The following MYO16 variants were observed in gnomAD, a reference collection of about 807,000 sequenced individuals.
The protein encoded by MYO16 is unconventional myosin-XVI.
A neutral mutation model predicts 205.3 loss-of-function variants in MYO16; 94 were observed. The ratio of observed to expected loss-of-function variants is 0.46; its 90% CI spans 0.39 to 0.54. MYO16 has a LOEUF of 0.54. Among genes scored for constraint, MYO16 ranks in the 20% least tolerant of loss-of-function variants. The probability of loss-of-function intolerance (pLI) is 0.00; values close to 1 mark genes in which losing one functional copy is unlikely to be tolerated. For synonymous variants in MYO16, 988 were observed against 954.0 expected (o/e 1.04, Z -0.66); for missense variants, 2,315 against 2,387.5 (o/e 0.97, Z 0.63).
At chr13:108,978,627 G>T (rs907395900) in intron 20 of MYO16, among the ~76,000 whole-genome samples, 2 of 151,262 alleles carry the variant, frequency 1.3e-5, no homozygotes, top group Admixed American at 6.6e-5. Context: ...ATTTATGTTC[G>T]CATTTATTTT....
chr13:109,206,798 A>T lies in MYO16; in HGVS notation c.5605A>T (p.Asn1869Tyr). The T allele has an allele frequency of 6.2e-7, 1 of 1,614,176 alleles. No individual in the cohort carries two copies. Residue 1869 changes from asparagine (N) to tyrosine (Y), a missense_variant, in exon 35 of 35, where the codon AAC (asparagine) becomes TAC (tyrosine). Physicochemically the swap from Asn to Tyr is moderately radical, Grantham distance 143. Coordinates refer to ENST00000457511, the MANE Select transcript of MYO16 (RefSeq NM_001198950.3). ...LLKKPEGASC[N>Y]RLPSELWDTT... Reference sequence around the variant, plus strand: ...GAAGAAGCCGGAAGGGGCCTCCTGCAACAGGCTGCCGTCTGAGCTCTGGGA... The same window carrying T: ...GAAGAAGCCGGAAGGGGCCTCCTGCTACAGGCTGCCGTCTGAGCTCTGGGA...
intron 1 of MYO16, among the ~76,000 whole-genome samples, chr13:108,610,278 T>C (rs1879123601): frequency 1.3e-5 from 2 of 152,190 alleles, no homozygotes; most frequent in African/African-American, 2.4e-5. Context: ...ATGTACTGTG[T>C]GTGCTCCGTC....
chr13:109,046,774 A>C, intron 23 of MYO16, 142 bp from the exon 24 acceptor site: 1 of 642,460 alleles, frequency 1.6e-6, no homozygotes. Context: ...TGGAACTTGC[A>C]TGTAACGTGA....
At chr13:108,856,058 G>A (rs1878155723) in intron 11 of MYO16, among the ~76,000 whole-genome samples, 2 of 152,214 alleles carry the variant, frequency 1.3e-5, no homozygotes, top group African/African-American at 2.4e-5. Flanking sequence ...ATTCCTGATA[G>A]TAGAATCCGA....
At chr13:108,643,400 C>T (rs1880598189) in intron 1 of MYO16, among the ~76,000 whole-genome samples, 1 of 152,168 alleles carries the variant, frequency 6.6e-6, no homozygotes, top group Admixed American at 6.5e-5. Context: ...AACTATTCAC[C>T]TATTGAAAGA....
chr13:109,098,383 T>G (rs989600557), intron 27 of MYO16, among the ~76,000 whole-genome samples: 15 of 152,352 alleles, frequency 9.8e-5, no homozygotes, highest in African/African-American at 3.6e-4. Context: ...TAGCATTTTC[T>G]GCATCCCGCC....
chr13:109,116,441 G>T (rs953827430), intron 28 of MYO16, among the ~76,000 whole-genome samples: 1 of 152,084 alleles, frequency 6.6e-6, no homozygotes, highest in Non-Finnish European at 1.5e-5. Flanking sequence ...TTGCAACGCT[G>T]CTCCTTCCCA....
rs1186561491 is a variant in MYO16 at position 108,667,315 on chromosome 13, G to GTTTTTTT, written c.292+1170_292+1171insTTTTTTT. Among the ~76,000 whole-genome samples, 18 of 118,292 alleles carry GTTTTTTT rather than the reference G, an allele frequency of 1.5e-4. 1 individual carries two copies. Among genetic ancestry groups the GTTTTTTT allele is most frequent in the Admixed American group, 1.8e-4 (2 of 11,346 alleles). The allele number at this position is 118,292 out of a possible 152,430, so 77.6% of individuals were successfully genotyped here. ...AAACTGTAATATTCTGAGAATTTCT[G>GTTTTTTT]TTTTGTTTTTTTTTTTTTTTTGTCT... On this transcript the variant is annotated intron_variant, in intron 2 of 34. Coordinates refer to ENST00000457511, the MANE Select transcript of MYO16 (RefSeq NM_001198950.3).
intron 33 of MYO16, among the ~76,000 whole-genome samples, chr13:109,175,485 C>G (rs1314487948): frequency 6.6e-6 from 1 of 152,152 alleles, no homozygotes; most frequent in African/African-American, 2.4e-5. Flanking sequence ...AGCTGGCTAT[C>G]TGGAGGGTAG....
At chr13:108,992,731 G>C (rs1376897814) in intron 21 of MYO16, among the ~76,000 whole-genome samples, 1 of 152,140 alleles carries the variant, frequency 6.6e-6, no homozygotes. Flanking sequence ...TTTCAACTAG[G>C]TCAGAGAGAA....
chr13:109,049,925 C>CGT lies in MYO16; in HGVS notation c.2873-2375_2873-2374insGT, dbSNP rs1566481323. 3.1e-3 allele frequency among the ~76,000 whole-genome samples: 355 copies of CGT among 113,436 alleles called. 1 individual carries two copies. The highest frequency in any genetic ancestry group is 7.7e-3 in the South Asian group (26 of 3,396). The allele number at this position is 113,436 out of a possible 152,430, so 74.4% of individuals were successfully genotyped here. On this transcript the variant is annotated intron_variant, in intron 24 of 34. Coordinates refer to ENST00000457511, the MANE Select transcript of MYO16 (RefSeq NM_001198950.3). ...TTGTTCTCCTCTTTCCTTCCTTTGTCCTGTGTGTGTGTGTGTGTGTGTGTG... is the reference window on the plus strand; with the variant it reads ...TTGTTCTCCTCTTTCCTTCCTTTGTCGTCTGTGTGTGTGTGTGTGTGTGTGTG...
intron 16 of MYO16, among the ~76,000 whole-genome samples, chr13:108,941,470 A>G (rs910856554): frequency 2.0e-5 from 3 of 152,062 alleles, no homozygotes; most frequent in African/African-American, 7.2e-5. Flanking sequence ...TGAGGTCAGG[A>G]GTTCAAGACC....
At chr13:108,539,940 T>C in the MYO16 span, among the ~76,000 whole-genome samples, 2 of 152,022 alleles carry the variant, frequency 1.3e-5, no homozygotes, top group South Asian at 2.1e-4. Flanking sequence ...GAAATGTGAG[T>C]TGGAAAAAGA....
chr13:109,161,445 C>T (rs1367766693), intron 32 of MYO16, among the ~76,000 whole-genome samples: 2 of 152,276 alleles, frequency 1.3e-5, no homozygotes, highest in African/African-American at 4.8e-5. Context: ...GATTAACTTC[C>T]CCAAGCCTCA....
At chr13:109,048,295 AG>A (rs1887116873) in intron 24 of MYO16, 1 of 725,466 alleles carries the variant, frequency 1.4e-6, no homozygotes, top group Non-Finnish European at 2.5e-6. Context: ...TACAAAAAAA[AG>A]TTCCAGGAAA....
rs117695948 is a variant in MYO16 at position 108,842,029 on chromosome 13, G to T, written c.1098-2314G>T. Among the ~76,000 whole-genome samples the T allele has an allele frequency of 3.0e-3, 463 of 152,102 alleles. 1 individual carries two copies. Among genetic ancestry groups the T allele is most frequent in the Non-Finnish European group, 5.3e-3 (362 of 67,942 alleles). On this transcript the variant is annotated intron_variant, in intron 9 of 34. Transcript: ENST00000457511. ...GAAAACTGGATATTCACATACAAAAGAATGAAATTGGACCCTTTTCTTACA... is the reference window on the plus strand; with the variant it reads ...GAAAACTGGATATTCACATACAAAATAATGAAATTGGACCCTTTTCTTACA...
At chr13:108,588,716 T>A in the MYO16 span, among the ~76,000 whole-genome samples, 2 of 152,150 alleles carry the variant, frequency 1.3e-5, no homozygotes. Context: ...ATGTGTTATG[T>A]GTCATTGCCA....
chr13:109,185,345 G>GA, intron 34 of MYO16, among the ~76,000 whole-genome samples: 1 of 152,116 alleles, frequency 6.6e-6, no homozygotes, highest in South Asian at 2.1e-4. Context: ...GTCAATTAGA[G>GA]AAAATATATG....
At chr13:108,582,538 C>T in the MYO16 span, among the ~76,000 whole-genome samples, 1 of 152,138 alleles carries the variant, frequency 6.6e-6, no homozygotes, top group Admixed American at 6.5e-5. Flanking sequence ...GCAGAGTATT[C>T]GAATTCATAG....
Sources: allele counts gnomAD v4.1 joint callset (sites outside exome capture counted in the v4.1 genomes callset), GRCh38; gene constraint gnomAD v4.1.1; transcripts MANE v1.5; gene names NCBI Gene and HGNC (gene_info 2026-07-23, HGNC 2026-07-21).